Variants in KCNH8 observed in about 807,000 individuals in gnomAD.
The protein encoded by KCNH8 is potassium voltage-gated channel subfamily H member 8.
A neutral mutation model predicts 103.6 loss-of-function variants in KCNH8; 70 were observed. The ratio of observed to expected loss-of-function variants is 0.68; its 90% CI spans 0.56 to 0.82. The LOEUF (loss-of-function observed/expected upper bound fraction) is 0.82, where lower values mean the gene tolerates loss of function less well. Ranked by LOEUF, KCNH8 falls within the 40% of genes least tolerant of loss-of-function variation. The probability of loss-of-function intolerance (pLI) is 0.00; values close to 1 mark genes in which losing one functional copy is unlikely to be tolerated. For synonymous variants in KCNH8, 498 were observed against 489.4 expected, an observed-to-expected ratio of 1.02 and a Z score of -0.23; for missense variants, 1,217 against 1,329.9, an observed-to-expected ratio of 0.92 and a Z score of 1.32.
At chr3:19,433,078 A>G (rs1351537553) in intron 7 of KCNH8, among the ~76,000 whole-genome samples, 2 of 152,108 alleles carry the variant, frequency 1.3e-5, no homozygotes, top group Non-Finnish European at 2.9e-5. Context: ...CAATCTTTCA[A>G]TTCATCATTG....
chr3:19,262,835 A>G (rs1373826774), intron 2 of KCNH8, among the ~76,000 whole-genome samples: 1 of 152,094 alleles, frequency 6.6e-6, no homozygotes, highest in Non-Finnish European at 1.5e-5. Flanking sequence ...ATAAAAAGAT[A>G]GTTTATTCTA....
chr3:19,528,296 G>C (rs1352442190), intron 15 of KCNH8, among the ~76,000 whole-genome samples: 2 of 151,968 alleles, frequency 1.3e-5, no homozygotes, highest in Non-Finnish European at 2.9e-5. Flanking sequence ...TAACTTAATT[G>C]AATTCATCAC....
At chr3:19,382,306 T>G (rs568407833) in intron 5 of KCNH8, among the ~76,000 whole-genome samples, 38 of 152,238 alleles carry the variant, frequency 2.5e-4, no homozygotes, top group Admixed American at 4.6e-4. Flanking sequence ...ACAGACAGAC[T>G]CTTAAAGTGT....
intron 2 of KCNH8, among the ~76,000 whole-genome samples, chr3:19,274,404 T>C (rs963475022): frequency 1.3e-5 from 2 of 152,176 alleles, no homozygotes; most frequent in African/African-American, 4.8e-5. Flanking sequence ...TCTCCAGTTC[T>C]CATTGGACTG....
intron 11 of KCNH8, among the ~76,000 whole-genome samples, chr3:19,491,167 G>A (rs1231932242): frequency 6.6e-6 from 1 of 152,174 alleles, no homozygotes; most frequent in Non-Finnish European, 1.5e-5. Context: ...GTGTGAGTGT[G>A]TGTGTGAATG....
At chr3:19,419,188 GGTTTTGGTTTTTTTTT>G (rs1371807624) in intron 7 of KCNH8, among the ~76,000 whole-genome samples, 2 of 75,880 alleles carry the variant, frequency 2.6e-5, no homozygotes, top group African/African-American at 4.6e-5. Context: ...TAATTAAAAT[GGTTTTGGTTTTTTTTT>G]TTTTTTTTTT....
chr3:19,419,187 TG>T (rs373788801), intron 7 of KCNH8, among the ~76,000 whole-genome samples: 2,446 of 120,852 alleles, frequency 0.02, 186 homozygotes, highest in African/African-American at 0.025. Context: ...GTAATTAAAA[TG>T]GTTTTGGTTT....
intron 15 of KCNH8, 116 bp downstream of exon 15, chr3:19,518,190 C>T: frequency 2.8e-6 from 2 of 721,718 alleles, no homozygotes; most frequent in East Asian, 2.7e-5. Context: ...ATGAGACCAC[C>T]ATGGGTGAAT....
At chr3:19,309,615 C>T (rs770125316) in intron 3 of KCNH8, among the ~76,000 whole-genome samples, 5 of 151,444 alleles carry the variant, frequency 3.3e-5, no homozygotes, top group Non-Finnish European at 5.9e-5. Flanking sequence ...GATAGAGCTG[C>T]GAAAAAAGTG....
chr3:19,152,972 T>G (rs546316032), intron 1 of KCNH8, among the ~76,000 whole-genome samples: 30 of 152,056 alleles, frequency 2.0e-4, no homozygotes, highest in African/African-American at 6.8e-4. Flanking sequence ...AAGAAATTTG[T>G]TAAAATTGAA....
At chr3:19,476,684 C>T (rs2067983205) in intron 11 of KCNH8, among the ~76,000 whole-genome samples, 1 of 152,144 alleles carries the variant, frequency 6.6e-6, no homozygotes, top group Admixed American at 6.6e-5. Context: ...ATCTTTAAAA[C>T]TCTTACATCA....
At chr3:19,390,975 A>G (rs1239584201) in intron 6 of KCNH8, among the ~76,000 whole-genome samples, 1 of 152,100 alleles carries the variant, frequency 6.6e-6, no homozygotes, top group Non-Finnish European at 1.5e-5. Flanking sequence ...AGGCAGATAC[A>G]TGTGTCAAGA....
rs1159742730 is a variant in KCNH8, at chr3:19,535,446, A to G, written c.*1347A>G. The stretch of plus-strand genomic sequence containing the variant: ...ATAATGCTCCCTACATCTCACACTA[A>G]CAGGCAAATTCAGATGCTGGGATTG... On this transcript the variant is annotated 3_prime_UTR_variant, in exon 16 of 16. Transcript: ENST00000328405. The G allele has an allele frequency of 6.6e-6, 1 of 152,148 alleles. No individual in the cohort carries two copies. The highest frequency in any genetic ancestry group is 1.5e-5 in the Non-Finnish European group (1 of 68,028). 9.4% of individuals were successfully genotyped at this position (152,148 alleles called of 1,614,324 possible). A position where few individuals can be genotyped will look rare whatever the true frequency, so the allele number is the denominator to read the frequency against.
intron 8 of KCNH8, among the ~76,000 whole-genome samples, chr3:19,439,687 A>C (rs1029790317): frequency 5.3e-5 from 8 of 152,184 alleles, no homozygotes; most frequent in African/African-American, 1.9e-4. Context: ...TATATTAATA[A>C]AGTTATTGCT....
chr3:19,167,018 A>G (rs1216437314), intron 1 of KCNH8, among the ~76,000 whole-genome samples: 1 of 152,156 alleles, frequency 6.6e-6, no homozygotes. Context: ...ATTATTAGGT[A>G]TTGTGGTATG....
chr3:19,215,785 G>T (rs879473793), intron 1 of KCNH8, among the ~76,000 whole-genome samples: 5 of 152,154 alleles, frequency 3.3e-5, no homozygotes, highest in Non-Finnish European at 5.9e-5. Context: ...TCTCCTTTCT[G>T]CAGAGAGACA....
intron 5 of KCNH8, among the ~76,000 whole-genome samples, chr3:19,377,909 C>T (rs754555809): frequency 5.9e-5 from 9 of 152,092 alleles, no homozygotes; most frequent in South Asian, 2.1e-4. Flanking sequence ...AGTGTTAATA[C>T]GCTGTTTGAA....
chr3:19,473,510 G>A (rs913470348), intron 11 of KCNH8, among the ~76,000 whole-genome samples: 2 of 152,078 alleles, frequency 1.3e-5, no homozygotes, highest in Non-Finnish European at 2.9e-5. Flanking sequence ...TCAAGTATAT[G>A]TTTTTCAGTC....
At chr3:19,461,486 C>T (rs934898797) in intron 11 of KCNH8, among the ~76,000 whole-genome samples, 4 of 152,080 alleles carry the variant, frequency 2.6e-5, no homozygotes, top group African/African-American at 9.7e-5. Context: ...CCTTGATTTT[C>T]ACAGACAAAA....
Sources: allele counts gnomAD v4.1 joint callset (sites outside exome capture counted in the v4.1 genomes callset), GRCh38; gene constraint gnomAD v4.1.1; transcripts MANE v1.5; gene names NCBI Gene and HGNC (gene_info 2026-07-23, HGNC 2026-07-21).